PCDHA9: variants seen among roughly 807,000 people sequenced by gnomAD.
PCDHA9 encodes the protein protocadherin alpha 9.
PCDHA9 carries 62 observed loss-of-function variants against 62.0 expected under a neutral mutation model. The observed-to-expected ratio is 1.00, with a 90% CI of 0.81 to 1.23. The LOEUF (loss-of-function observed/expected upper bound fraction) is 1.23, where lower values mean the gene tolerates loss of function less well. Ranked by LOEUF, PCDHA9 falls within the 50% of genes most tolerant of loss-of-function variation. PCDHA9 has a pLI of 0.00. For synonymous variants in PCDHA9, 557 were observed against 567.6 expected (o/e 0.98, Z 0.27); for missense variants, 1,205 against 1,249.8 (o/e 0.96, Z 0.54).
Position 140,925,879 on chromosome 5 carries a change from C to A in PCDHA9, c.2395-53070C>A, listed in dbSNP as rs138501139. Reference sequence around the variant, plus strand: ...GTTATTGCTATTGACTGGTTTATAACCTCCTCTTTCACCCAGATCGTCAAG... The same window carrying A: ...GTTATTGCTATTGACTGGTTTATAAACTCCTCTTTCACCCAGATCGTCAAG... On this transcript the variant is annotated intron_variant, in intron 1 of 3. Coordinates refer to ENST00000532602, the MANE Select transcript of PCDHA9 (RefSeq NM_031857.2). Among the ~76,000 whole-genome samples, 60 of 152,212 alleles carry A rather than the reference C, an allele frequency of 3.9e-4. No individual in the cohort carries two copies. In the East Asian group the frequency reaches 7.4e-3, roughly 19 times the overall value.
At chr5:140,996,036 C>T (rs1324761666) in intron 3 of PCDHA9, among the ~76,000 whole-genome samples, 1 of 152,190 alleles carries the variant, frequency 6.6e-6, no homozygotes, top group Non-Finnish European at 1.5e-5. Context: ...GCTCCTAGCA[C>T]TTAACACAGT....
intron 1 of PCDHA9, chr5:140,857,825 G>C: frequency 6.3e-7 from 1 of 1,597,886 alleles, no homozygotes; most frequent in Middle Eastern, 1.7e-4. Context: ...GGTGGCTAAG[G>C]TGCGCGCAGT....
At chr5:140,968,986 A>ATGCTGTGGAGGC (rs782197469) in intron 1 of PCDHA9, 25 of 1,614,206 alleles carry the variant, frequency 1.5e-5, no homozygotes, top group Non-Finnish European at 1.9e-5. Flanking sequence ...ATGGCACTGC[A>ATGCTGTGGAGGC]TGCTGTGGAG....
chr5:140,848,619 G>T lies in PCDHA9; in HGVS notation c.124G>T (p.Gly42Cys), dbSNP rs545024019. The T allele has an allele frequency of 8.2e-6, 13 of 1,593,396 alleles. No homozygotes were observed. The highest frequency in any genetic ancestry group is 5.4e-5 in the African/African-American group (4 of 74,388). The change falls in exon 1 of 4, where the codon GGC (glycine) becomes TGC (cysteine). Residue 42 changes from glycine (G) to cysteine (C), a missense_variant. Physicochemically the swap from Gly to Cys is radical, Grantham distance 159. This residue lies in a region of PCDHA9 where 208 missense variants were observed against 213.2 expected (regional missense o/e 0.98). Coordinates refer to ENST00000532602, the MANE Select transcript of PCDHA9 (RefSeq NM_031857.2). ...CTCCGTCCCGGAGGAAGCCGAACAC[G>T]GCACCTTCGTGGGCCGCATCGCGCA... ...HYSVPEEAEH[G>C]TFVGRIAQDL...
At position 140,882,079 on chromosome 5, in the gene PCDHA9, G is replaced by C. The variant is rs2058940272; in HGVS notation, c.2394+31190G>C. 3.1e-6 allele frequency: 3 copies of C among 952,854 alleles called. No homozygotes were observed. In the East Asian group the frequency reaches 7.8e-5, roughly 25 times the overall value. The allele number at this position is 952,854 out of a possible 1,614,324, so 59.0% of individuals were successfully genotyped here. A position where few individuals can be genotyped will look rare whatever the true frequency, so the allele number is the denominator to read the frequency against. On this transcript the variant is annotated intron_variant, in intron 1 of 3. Transcript: ENST00000532602. ...CTTACACGTTCATGCGCATGGTGTCGCTCTTCACTGAGAACGTTTCCGCGA... is the reference window on the plus strand; with the variant it reads ...CTTACACGTTCATGCGCATGGTGTCCCTCTTCACTGAGAACGTTTCCGCGA...
intron 1 of PCDHA9, among the ~76,000 whole-genome samples, chr5:140,940,491 C>A (rs1554213409): frequency 6.6e-6 from 1 of 151,752 alleles, no homozygotes; most frequent in Admixed American, 6.6e-5. Context: ...CAAGACAAGT[C>A]TTGCTCCGTC....
chr5:140,989,563 C>A (rs1399360475), intron 3 of PCDHA9, among the ~76,000 whole-genome samples: 1 of 152,118 alleles, frequency 6.6e-6, no homozygotes, highest in Non-Finnish European at 1.5e-5. Flanking sequence ...TTTTGTGGCT[C>A]CGGCAAGCCC....
intron 1 of PCDHA9, among the ~76,000 whole-genome samples, chr5:140,902,333 T>C (rs1248113110): frequency 6.6e-6 from 1 of 151,758 alleles, no homozygotes; most frequent in Non-Finnish European, 1.5e-5. Context: ...TCACTTCGCC[T>C]GGCCTAGGAA....
intron 1 of PCDHA9, among the ~76,000 whole-genome samples, chr5:140,955,070 G>A (rs755676357): frequency 2.2e-4 from 34 of 152,166 alleles, no homozygotes; most frequent in Non-Finnish European, 4.1e-4. Context: ...GTTTGTTGAA[G>A]ATCAGATGGT....
intron 1 of PCDHA9, among the ~76,000 whole-genome samples, chr5:140,899,881 C>G (rs1334700648): frequency 6.6e-6 from 1 of 152,146 alleles, no homozygotes; most frequent in Non-Finnish European, 1.5e-5. Context: ...TAACAGAACT[C>G]AGTGCAGCCT....
rs1164377412 is a variant in PCDHA9 at position 140,857,264 on chromosome 5, T to C, written c.2394+6375T>C. The stretch of plus-strand genomic sequence containing the variant: ...GTCCACCTACAAGAATTACTACTCA[T>C]TGGTGCTGGACAGCGCTCTGGACCG... On this transcript the variant is annotated intron_variant, in intron 1 of 3. Transcript: ENST00000532602. 5.0e-6 allele frequency: 8 copies of C among 1,598,636 alleles called. 1 individual carries two copies. The highest frequency in any genetic ancestry group is 2.2e-5 in the East Asian group (1 of 44,850).
chr5:140,938,215 G>C (rs1270663444), intron 1 of PCDHA9, among the ~76,000 whole-genome samples: 3 of 152,100 alleles, frequency 2.0e-5, no homozygotes, highest in Non-Finnish European at 4.4e-5. Context: ...CAAAGTGCTG[G>C]GATTACAGGC....
chr5:140,856,373 G>A (rs781914523), intron 1 of PCDHA9: 1 of 1,598,562 alleles, frequency 6.3e-7, no homozygotes, highest in Non-Finnish European at 8.6e-7. Context: ...GGAGGTGATC[G>A]TGGACAGGCC....
At chr5:140,858,612 A>G (rs1554151880) in intron 1 of PCDHA9, 2 of 1,223,056 alleles carry the variant, frequency 1.6e-6, no homozygotes, top group Admixed American at 2.7e-5. Flanking sequence ...AAATTTTTTT[A>G]TCCTACCCAG....
chr5:140,972,829 A>G (rs1554234573), intron 1 of PCDHA9, among the ~76,000 whole-genome samples: 1 of 151,808 alleles, frequency 6.6e-6, no homozygotes, highest in Non-Finnish European at 1.5e-5. Flanking sequence ...ACGCCTGGCT[A>G]ATTTTTGTAT....
chr5:140,931,047 C>G (rs969815598), intron 1 of PCDHA9, among the ~76,000 whole-genome samples: 5 of 152,166 alleles, frequency 3.3e-5, no homozygotes, highest in African/African-American at 9.6e-5. Context: ...AGAAAAACTT[C>G]AATGCTGTGT....
intron 1 of PCDHA9, chr5:140,966,610 C>A: frequency 1.4e-6 from 1 of 715,490 alleles, no homozygotes; most frequent in Non-Finnish European, 2.1e-6. Context: ...CTTGGGAGGG[C>A]CTACGGAGGG....
At chr5:140,933,392 T>C (rs1298872630) in intron 1 of PCDHA9, among the ~76,000 whole-genome samples, 3 of 152,044 alleles carry the variant, frequency 2.0e-5, no homozygotes, top group Non-Finnish European at 2.9e-5. Context: ...CCTAGAGCCA[T>C]CTGGTTACCA....
chr5:140,992,154 C>T (rs2097495252), intron 3 of PCDHA9, among the ~76,000 whole-genome samples: 1 of 151,952 alleles, frequency 6.6e-6, no homozygotes. Flanking sequence ...TTTGCTCAAT[C>T]AAGAAGTGTG....
Sources: allele counts gnomAD v4.1 joint callset (sites outside exome capture counted in the v4.1 genomes callset), GRCh38; gene constraint gnomAD v4.1.1; regional missense constraint gnomAD v4.1.1; transcripts MANE v1.5; gene names NCBI Gene and HGNC (gene_info 2026-07-23, HGNC 2026-07-21).